KIF13A: variants seen among roughly 807,000 people sequenced by gnomAD.
KIF13A encodes kinesin-like protein KIF13A.
A neutral mutation model predicts 212.2 loss-of-function variants in KIF13A; 79 were observed. The ratio of observed to expected loss-of-function variants is 0.37; its 90% CI spans 0.31 to 0.45. The LOEUF (loss-of-function observed/expected upper bound fraction) is 0.45. Among genes scored for constraint, KIF13A ranks in the 20% least tolerant of loss-of-function variants. KIF13A has a pLI of 1.00. For missense variants in KIF13A, 1,901 were observed against 2,209.0 expected, an observed-to-expected ratio of 0.86 and a Z score of 2.79; for synonymous variants, 789 against 808.6, an observed-to-expected ratio of 0.98 and a Z score of 0.41.
intron 25 of KIF13A, among the ~76,000 whole-genome samples, chr6:17,791,736 CT>C (rs2150320101): frequency 6.6e-6 from 1 of 150,548 alleles, no homozygotes; most frequent in East Asian, 2.0e-4. Context: ...CCCGTCTCTA[CT>C]AAAAATACAA....
rs1451768964 is a variant in KIF13A at position 17,926,737 on chromosome 6, T to C, written c.147-28557A>G. ...AATAAGTGGAGAATGTTTAAGTATA[T>C]TAGGATATATTCAGATGATAAACAA... is the stretch of plus-strand genomic sequence containing the variant. On this transcript the variant is annotated intron_variant, in intron 2 of 38. Transcript: ENST00000259711. The surrounding 1 kb of genome is among the most constrained non-coding windows in gnomAD (Gnocchi z 4.3). 6.6e-6 allele frequency among the ~76,000 whole-genome samples: 1 copy of C among 151,802 alleles called. No individual in the cohort carries two copies. The highest frequency in any genetic ancestry group is 2.4e-5 in the African/African-American group (1 of 41,036).
intron 19 of KIF13A, 80 bp downstream of exon 19, chr6:17,805,395 G>GTGTGTGTT: frequency 1.6e-6 from 1 of 613,470 alleles, no homozygotes; most frequent in South Asian, 1.8e-5. Context: ...GTGTGTGTGT[G>GTGTGTGTT]TGTGTGTGTG....
At chr6:17,874,744 G>A (rs2150438472) in intron 3 of KIF13A, among the ~76,000 whole-genome samples, 1 of 151,950 alleles carries the variant, frequency 6.6e-6, no homozygotes, top group African/African-American at 2.4e-5. Flanking sequence ...CATCATATTT[G>A]TAGTCTTTTA....
rs989147315 is a variant in KIF13A, at chr6:17,984,004, C to G, written c.146+3050G>C. On this transcript the variant is annotated intron_variant, in intron 2 of 38. Coordinates refer to ENST00000259711, the MANE Select transcript of KIF13A (RefSeq NM_022113.6). The surrounding 1 kb of genome is among the most constrained non-coding windows in gnomAD (Gnocchi z 5.0). The stretch of plus-strand genomic sequence containing the variant: ...GGACCTTGGGTAGCATCCACAGCCC[C>G]TCCTCAATGCTCCCATCACATTTGC... Among the ~76,000 whole-genome samples the G allele has an allele frequency of 6.6e-6, 1 of 152,178 alleles. No individual in the cohort carries two copies. The highest frequency in any genetic ancestry group is 1.5e-5 in the Non-Finnish European group (1 of 68,040).
At chr6:17,823,037 C>CT (rs10708452) in intron 16 of KIF13A, among the ~76,000 whole-genome samples, 62 of 145,128 alleles carry the variant, frequency 4.3e-4, no homozygotes, top group South Asian at 8.8e-4. Flanking sequence ...TGGTTCTATA[C>CT]TTTTTTTTTT....
rs111687820 is a variant in KIF13A at position 17,816,176 on chromosome 6, C to T, written c.2000+844G>A. ...TCAGGCGATCCGCTGCCTTGGCCTC[C>T]CAAAGTGCTGGGATTACAGGCCTGA... On this transcript the variant is annotated intron_variant, in intron 17 of 38. Coordinates refer to ENST00000259711, the MANE Select transcript of KIF13A (RefSeq NM_022113.6). The surrounding 1 kb of genome is among the most constrained non-coding windows in gnomAD (Gnocchi z 4.3). 6.9e-3 allele frequency among the ~76,000 whole-genome samples: 1,051 copies of T among 151,848 alleles called. 12 individuals carry two copies. The highest frequency in any genetic ancestry group is 0.024 in the African/African-American group (986 of 41,394).
rs371846621 is a variant in KIF13A, at chr6:17,831,118, G to A, written c.1384C>T (p.Leu462=). 21 of 1,612,992 alleles carry A rather than the reference G, an allele frequency of 1.3e-5. No individual in the cohort carries two copies. The highest frequency in any genetic ancestry group is 1.1e-5 in the Non-Finnish European group (13 of 1,179,522). The part of the protein sequence containing the change: ...LNADPALNEL[L]VYYLKDHTRV... The stretch of plus-strand genomic sequence containing the variant: ...TCTCCTACCTTTAAATAATAAACCA[G>A]AAGTTCGTTAAGAGCAGGGTCTGCA... Residue 462 remains leucine (L), a synonymous_variant, in exon 13 of 39, where the codon CTG becomes TTG. Coordinates refer to ENST00000259711, the MANE Select transcript of KIF13A (RefSeq NM_022113.6).
intron 16 of KIF13A, among the ~76,000 whole-genome samples, chr6:17,821,076 G>A (rs1224417865): frequency 1.3e-5 from 2 of 152,116 alleles, no homozygotes; most frequent in Non-Finnish European, 2.9e-5. Flanking sequence ...GCCCAGGCTG[G>A]TCTCGAACTC....
chr6:17,890,402 T>G (rs1481012479), intron 3 of KIF13A, among the ~76,000 whole-genome samples: 1 of 152,048 alleles, frequency 6.6e-6, no homozygotes, highest in Non-Finnish European at 1.5e-5. Flanking sequence ...TCTTGGAACA[T>G]GCCAGATATT....
chr6:17,799,202 G>A lies in KIF13A; in HGVS notation c.2790+64C>T, dbSNP rs1762282646. 1.7e-6 allele frequency: 2 copies of A among 1,146,132 alleles called. No individual in the cohort carries two copies. The highest frequency in any genetic ancestry group is 5.6e-5 in the Admixed American group (2 of 35,986). The allele number at this position is 1,146,132 out of a possible 1,614,324, so 71.0% of individuals were successfully genotyped here. A position where few individuals can be genotyped will look rare whatever the true frequency, so the allele number is the denominator to read the frequency against. On this transcript the variant is annotated intron_variant, in intron 22 of 38. Transcript: ENST00000259711. The surrounding 1 kb of genome is among the most constrained non-coding windows in gnomAD (Gnocchi z 4.4). ...AAAACAAATGCTTGTGGGGACAACT[G>A]ATTGTTGAACTGCACCAATTTCTGC... is the stretch of plus-strand genomic sequence containing the variant.
At chr6:17,804,615 C>G (rs1762771793) in intron 19 of KIF13A, 105 bp from the exon 20 acceptor site, 4 of 1,085,138 alleles carry the variant, frequency 3.7e-6, no homozygotes, top group Non-Finnish European at 5.1e-6. Flanking sequence ...AAGAATCTAT[C>G]CATTTAAACA....
intron 18 of KIF13A, among the ~76,000 whole-genome samples, chr6:17,808,244 G>A (rs1763144383): frequency 6.6e-6 from 1 of 152,112 alleles, no homozygotes; most frequent in South Asian, 2.1e-4. Flanking sequence ...AAATTGGCCG[G>A]GTGTGCTAGT....
chr6:17,960,211 T>C (rs532800012), intron 2 of KIF13A, among the ~76,000 whole-genome samples: 4 of 152,202 alleles, frequency 2.6e-5, no homozygotes, highest in South Asian at 2.1e-4. Flanking sequence ...AAAAAGGTTA[T>C]GAGTCAAAGG....
downstream of KIF13A, among the ~76,000 whole-genome samples, chr6:17,761,247 A>T (rs547969444): frequency 6.1e-3 from 926 of 152,318 alleles, 9 homozygotes; most frequent in African/African-American, 0.021. Context: ...AAATAAAAAA[A>T]CATTTAAATT....
intron 20 of KIF13A, among the ~76,000 whole-genome samples, chr6:17,800,604 T>G (rs1427383293): frequency 5.4e-5 from 1 of 18,686 alleles, no homozygotes; most frequent in Non-Finnish European, 1.6e-4. Context: ...GCCCAGCTAA[T>G]TTTTTTTTTT....
chr6:17,805,124 T>C (rs1483732520), intron 19 of KIF13A, among the ~76,000 whole-genome samples: 2 of 152,224 alleles, frequency 1.3e-5, no homozygotes, highest in Non-Finnish European at 2.9e-5. Context: ...AAATCCACAC[T>C]GGCTCCAGTC....
At chr6:17,822,040 C>CATCTT in intron 16 of KIF13A, 1 of 615,938 alleles carries the variant, frequency 1.6e-6, no homozygotes, top group Non-Finnish European at 2.4e-6. Context: ...GGAAACATAA[C>CATCTT]TTCTTTTTTT....
In KIF13A at chr6:17,837,506, G is replaced by C. The variant is rs758508802; in HGVS notation, c.908C>G (p.Pro303Arg). 16 of 1,608,462 alleles carry C rather than the reference G, an allele frequency of 9.9e-6. No homozygotes were observed. Among genetic ancestry groups the C allele is most frequent in the Non-Finnish European group, 1.4e-5 (16 of 1,177,274 alleles). Residue 303 changes from proline to arginine, a missense_variant, in exon 10 of 39, where the codon CCT becomes CGT. Pro to Arg is a moderately radical substitution (Grantham distance 103, BLOSUM62 -2). This residue lies in a region of KIF13A where 506 missense variants were observed against 637.4 expected (regional missense o/e 0.79). Coordinates refer to ENST00000259711, the MANE Select transcript of KIF13A (RefSeq NM_022113.6). The surrounding 1 kb of genome is among the most constrained non-coding windows in gnomAD (Gnocchi z 5.4). The stretch of plus-strand genomic sequence containing the variant: ...CCAAGTGAGGACTGAATCTCGATAA[G>C]GCACAAATTTGCTTTTACCCTTGCC... ...AAGKGKSKFV[P>R]YRDSVLTWLL...
At chr6:17,882,851 G>A (rs1338405025) in intron 3 of KIF13A, among the ~76,000 whole-genome samples, 3 of 152,058 alleles carry the variant, frequency 2.0e-5, no homozygotes, top group Non-Finnish European at 4.4e-5. Context: ...CGTGCGGCAC[G>A]GCACCCGGCC....
Sources: allele counts gnomAD v4.1 joint callset (sites outside exome capture counted in the v4.1 genomes callset), GRCh38; gene constraint gnomAD v4.1.1; regional missense constraint gnomAD v4.1.1; non-coding constraint Gnocchi (gnomAD v3.1); transcripts MANE v1.5; gene names NCBI Gene and HGNC (gene_info 2026-07-23, HGNC 2026-07-21).